Variants in KIN observed in about 807,000 individuals in gnomAD.
KIN encodes DNA/RNA-binding protein KIN17.
In KIN, 47 loss-of-function variants were observed where a neutral mutation model predicts 63.0. The observed-to-expected ratio is 0.75, with a 90% confidence interval of 0.59 to 0.95. The LOEUF is 0.95. Among genes scored for constraint, KIN ranks in the 40% least tolerant of loss-of-function variants. The pLI is 0.00. For synonymous variants in KIN, 160 were observed against 157.7 expected, an observed-to-expected ratio of 1.01 and a Z score of -0.11; for missense variants, 408 against 460.9, an observed-to-expected ratio of 0.89 and a Z score of 1.05.
rs549836485 is a variant in KIN at position 7,753,590 on chromosome 10, C to T, written c.*2490G>A. The T allele has an allele frequency of 6.5e-6, 1 of 154,226 alleles. No individual in the cohort carries two copies. The highest frequency in any genetic ancestry group is 1.4e-5 in the Non-Finnish European group (1 of 69,432). 9.6% of individuals were successfully genotyped at this position (154,226 alleles called of 1,614,324 possible). A position where few individuals can be genotyped will look rare whatever the true frequency, so the allele number is the denominator to read the frequency against. On this transcript the variant is annotated 3_prime_UTR_variant, in exon 13 of 13. Coordinates refer to ENST00000379562, the MANE Select transcript of KIN (RefSeq NM_012311.4). ...ATTTATATGTATTTTCTGTAGGTCTCCCATCAACCCTGCTGAAAAACATTT... is the reference window on the plus strand; with the variant it reads ...ATTTATATGTATTTTCTGTAGGTCTTCCATCAACCCTGCTGAAAAACATTT...
rs1298999070 is a variant in KIN at position 7,751,916 on chromosome 10, T to G, written c.*4164A>C. 2 of 1,976 alleles carry G rather than the reference T, an allele frequency of 1.0e-3. 1 individual carries two copies. Among genetic ancestry groups the G allele is most frequent in the Non-Finnish European group, 1.9e-3 (2 of 1,064 alleles). 0.1% of individuals were successfully genotyped at this position (1,976 alleles called of 1,614,324 possible). On this transcript the variant is annotated 3_prime_UTR_variant, in exon 13 of 13. Transcript: ENST00000379562. ...CGGGCGCGGTGGCGGGCGCCTGTAG[T>G]CCCAGCTACTCGGGAGGCTGAGGCA...
intron 1 of KIN, 59 bp downstream of exon 1, chr10:7,787,761 C>T (rs182940447): frequency 4.6e-5 from 62 of 1,362,262 alleles, no homozygotes; most frequent in Non-Finnish European, 5.9e-5. Context: ...CGTCCAGGAC[C>T]TGATCCTGGA....
chr10:7,765,522 A>G (rs1474610372), intron 9 of KIN, among the ~76,000 whole-genome samples: 1 of 152,236 alleles, frequency 6.6e-6, no homozygotes, highest in Non-Finnish European at 1.5e-5. Context: ...ATAAATAATC[A>G]TTTTAAAATA....
chr10:7,754,857 G>GT lies in KIN; in HGVS notation c.*1222dup, dbSNP rs1835304985. The GT allele has an allele frequency of 6.6e-6, 1 of 152,166 alleles. No homozygotes were observed. Among genetic ancestry groups the GT allele is most frequent in the Non-Finnish European group, 1.5e-5 (1 of 68,092 alleles). 9.4% of individuals were successfully genotyped at this position (152,166 alleles called of 1,614,324 possible). ...TCATGTGCACTACAAATATCCCTTC[G>GT]TTTTTCCTTTGGCACAGGCAAATGT... On this transcript the variant is annotated 3_prime_UTR_variant, in exon 13 of 13. Coordinates refer to ENST00000379562, the MANE Select transcript of KIN (RefSeq NM_012311.4).
Position 7,774,906 on chromosome 10 carries a change from T to G in KIN, c.608-15A>C. 6.3e-7 allele frequency: 1 copy of G among 1,584,116 alleles called. No individual in the cohort carries two copies. Among genetic ancestry groups the G allele is most frequent in the Non-Finnish European group, 8.7e-7 (1 of 1,153,748 alleles). On this transcript the variant is annotated splice_polypyrimidine_tract_variant and intron_variant, in intron 6 of 12. Transcript: ENST00000379562. ...ATTAAACGTGACTAGAAGAAAAAAA[T>G]GTTATTCCATACATACATTTCAAGA...
At chr10:7,764,614 G>A (rs1271119192) in intron 9 of KIN, among the ~76,000 whole-genome samples, 1 of 152,190 alleles carries the variant, frequency 6.6e-6, no homozygotes, top group African/African-American at 2.4e-5. Flanking sequence ...GTATTTAATA[G>A]TAGAAAGATA....
intron 12 of KIN, among the ~76,000 whole-genome samples, chr10:7,758,424 G>C (rs900336505): frequency 1.3e-5 from 2 of 152,104 alleles, no homozygotes; most frequent in Non-Finnish European, 2.9e-5. Context: ...AAACAGAAAG[G>C]CTTTTCATGT....
intron 10 of KIN, among the ~76,000 whole-genome samples, chr10:7,763,371 A>T (rs1376052914): frequency 6.6e-6 from 1 of 152,246 alleles, no homozygotes; most frequent in Non-Finnish European, 1.5e-5. Flanking sequence ...CTGGCATAAA[A>T]GTAATTGCAG....
At chr10:7,766,638 C>T (rs978565228) in intron 8 of KIN, among the ~76,000 whole-genome samples, 2 of 151,850 alleles carry the variant, frequency 1.3e-5, no homozygotes, top group Non-Finnish European at 2.9e-5. Flanking sequence ...GCGAAAATAT[C>T]GAATCTTTTT....
At chr10:7,759,667 T>G (rs1835399892) in intron 12 of KIN, among the ~76,000 whole-genome samples, 1 of 152,008 alleles carries the variant, frequency 6.6e-6, no homozygotes, top group Non-Finnish European at 1.5e-5. Flanking sequence ...TAAATTATGT[T>G]TTTTGGGGTT....
chr10:7,784,038 T>C (rs912584158), intron 1 of KIN, among the ~76,000 whole-genome samples: 3 of 152,210 alleles, frequency 2.0e-5, no homozygotes, highest in East Asian at 1.9e-4. Flanking sequence ...ATAAGAATCA[T>C]AGTTATTATT....
chr10:7,780,335 A>G (rs1293077501), intron 2 of KIN, 28 bp from the exon 3 acceptor site: 1 of 1,562,428 alleles, frequency 6.4e-7, no homozygotes, highest in African/African-American at 1.4e-5. Flanking sequence ...GAAAGCATTA[A>G]GGTAATTTCT....
At chr10:7,763,310 A>G (rs750369637) in intron 10 of KIN, among the ~76,000 whole-genome samples, 3 of 152,206 alleles carry the variant, frequency 2.0e-5, no homozygotes, top group Non-Finnish European at 4.4e-5. Context: ...ACAGTTTCTC[A>G]AGCAAAACAC....
At chr10:7,766,131 T>A in intron 8 of KIN, 28 bp from the exon 9 acceptor site, 1 of 1,525,276 alleles carries the variant, frequency 6.6e-7, no homozygotes, top group South Asian at 1.1e-5. Flanking sequence ...TCTTAAATTA[T>A]CTCCCTAAAA....
chr10:7,769,731 T>G (rs569978766), intron 7 of KIN, among the ~76,000 whole-genome samples: 131 of 152,280 alleles, frequency 8.6e-4, no homozygotes, highest in African/African-American at 3.0e-3. Context: ...GTAGTTCACT[T>G]TCCTAAGCCT....
At chr10:7,760,816 C>T (rs1012833825) in intron 11 of KIN, among the ~76,000 whole-genome samples, 1 of 152,092 alleles carries the variant, frequency 6.6e-6, no homozygotes, top group African/African-American at 2.4e-5. Flanking sequence ...CAGGCATTCA[C>T]TGGTGGTCTT....
In KIN at chr10:7,762,513, G is replaced by A. The variant is rs1391798177; in HGVS notation, c.962C>T (p.Ser321Phe). The A allele has an allele frequency of 6.2e-7, 1 of 1,611,608 alleles. No individual in the cohort carries two copies. Among genetic ancestry groups the A allele is most frequent in the African/African-American group, 1.3e-5 (1 of 74,880 alleles). Residue 321 changes from serine to phenylalanine, a missense_variant, in exon 11 of 13, where the codon TCT becomes TTT. Coordinates refer to ENST00000379562, the MANE Select transcript of KIN (RefSeq NM_012311.4). ...KYTAVVKMIDSGDKLKLDQTH... is the reference protein window; with the variant it reads ...KYTAVVKMIDFGDKLKLDQTH... ...CTGGTCAAGTTTCAGCTTGTCTCCA[G>A]AATCAATCATCTTCACAACAGCTGT...
chr10:7,775,524 T>C (rs1431502647), intron 6 of KIN, among the ~76,000 whole-genome samples: 1 of 152,202 alleles, frequency 6.6e-6, no homozygotes, highest in East Asian at 1.9e-4. Flanking sequence ...TATGGCAAGA[T>C]ATTTCCTTAT....
At chr10:7,777,949 T>C (rs1156540099) in intron 5 of KIN, among the ~76,000 whole-genome samples, 1 of 151,924 alleles carries the variant, frequency 6.6e-6, no homozygotes, top group Non-Finnish European at 1.5e-5. Context: ...TTTCTGTATC[T>C]TTTGTTCACT....
Sources: allele counts gnomAD v4.1 joint callset (sites outside exome capture counted in the v4.1 genomes callset), GRCh38; gene constraint gnomAD v4.1.1; transcripts MANE v1.5; gene names NCBI Gene and HGNC (gene_info 2026-07-23, HGNC 2026-07-21).